The following MCF2L variants were observed in gnomAD, a reference collection of about 807,000 sequenced individuals.
The protein encoded by MCF2L is MCF.2 cell line derived transforming sequence like, also known as guanine nucleotide exchange factor DBS.
MCF2L carries 97 observed loss-of-function variants against 153.4 expected under a neutral mutation model. The ratio of observed to expected loss-of-function variants is 0.63; its 90% CI spans 0.54 to 0.75. The LOEUF is 0.75. Ranked by LOEUF, MCF2L falls within the 30% of genes least tolerant of loss-of-function variation. MCF2L has a pLI of 0.00. For missense variants in MCF2L, 1,347 were observed against 1,495.2 expected (o/e 0.90, Z 1.64); for synonymous variants, 659 against 632.2 (o/e 1.04, Z -0.64).
intron 2 of MCF2L, among the ~76,000 whole-genome samples, chr13:112,912,999 CTG>C (rs1566633143): frequency 1.7e-5 from 2 of 117,584 alleles, no homozygotes; most frequent in African/African-American, 6.7e-5. Context: ...GATTGTGTGT[CTG>C]TGGTGTATCT....
intron 26 of MCF2L, 109 bp from the exon 27 acceptor site, chr13:113,094,405 C>T: frequency 8.4e-7 from 1 of 1,191,410 alleles, no homozygotes. Context: ...GTTGGGGGCC[C>T]ACGGCACACA....
intron 15 of MCF2L, 49 bp downstream of exon 15, chr13:113,078,788 T>A (rs369128274): frequency 5.3e-6 from 8 of 1,507,382 alleles, no homozygotes; most frequent in Admixed American, 3.8e-5. Flanking sequence ...GACCGCAGCC[T>A]GAACCACCAG....
At chr13:113,090,672 T>C (rs1440531845) in intron 26 of MCF2L, 3 of 985,476 alleles carry the variant, frequency 3.0e-6, no homozygotes, top group Non-Finnish European at 2.4e-6. Context: ...CAGGAGGCCC[T>C]GGAAGCCGGC....
At position 113,048,598 on chromosome 13, in the gene MCF2L, C is replaced by T. The variant is rs948535479; in HGVS notation, c.369+3237C>T. On this transcript the variant is annotated intron_variant, in intron 4 of 29. Coordinates refer to ENST00000535094, the MANE Select transcript of MCF2L (RefSeq NM_001112732.3). ...CTGGGACTACAGGCACCTGCCACCA[C>T]GCCCGGCTAATTTTTTATATTTTTA... is the stretch of plus-strand genomic sequence containing the variant. Among the ~76,000 whole-genome samples the T allele has an allele frequency of 5.3e-5, 8 of 152,124 alleles. No individual in the cohort carries two copies. In the South Asian group the frequency reaches 1.0e-3, roughly 20 times the overall value.
At chr13:113,014,669 G>T in intron 1 of MCF2L, 94 bp from the exon 2 acceptor site, 1 of 1,017,896 alleles carries the variant, frequency 9.8e-7, no homozygotes, top group Non-Finnish European at 1.5e-6. Flanking sequence ...GTAGGTGCCT[G>T]TGGATGTGCC....
intron 2 of MCF2L, chr13:112,957,417 A>G (rs369369696): frequency 7.9e-5 from 12 of 152,226 alleles, no homozygotes; most frequent in African/African-American, 2.9e-4. Context: ...TCATAGAACG[A>G]TAGAGATTTA....
chr13:113,031,518 C>T lies in MCF2L; in HGVS notation c.278+6760C>T, dbSNP rs113005961. On this transcript the variant is annotated intron_variant, in intron 3 of 29. Transcript: ENST00000535094. The surrounding 1 kb of genome is among the most constrained non-coding windows in gnomAD (Gnocchi z 5.5). ...GGTCTGTGGAGCCTTTTCTGAGGAG[C>T]TGTGTTTTCTGTGAAGTGGGTGCCA... 6.6e-6 allele frequency among the ~76,000 whole-genome samples: 1 copy of T among 151,948 alleles called. No homozygotes were observed. The highest frequency in any genetic ancestry group is 1.5e-5 in the Non-Finnish European group (1 of 68,012).
At position 113,080,929 on chromosome 13, in the gene MCF2L, G is replaced by A. The variant is rs114253445; in HGVS notation, c.1809-284G>A. ...GGTGGGACCCAAAAGCCCAGGAGGCGAGTCTGGGAATCCCTCCTACCAGGC... is the reference window on the plus strand; with the variant it reads ...GGTGGGACCCAAAAGCCCAGGAGGCAAGTCTGGGAATCCCTCCTACCAGGC... On this transcript the variant is annotated intron_variant, in intron 15 of 29. Transcript: ENST00000535094. Among the ~76,000 whole-genome samples, 701 of 152,296 alleles carry A rather than the reference G, an allele frequency of 4.6e-3. 7 individuals carry two copies. Among genetic ancestry groups the A allele is most frequent in the African/African-American group, 0.016 (665 of 41,568 alleles).
At chr13:112,894,610 G>A (rs992237489) in intron 1 of MCF2L, among the ~76,000 whole-genome samples, 21 of 152,036 alleles carry the variant, frequency 1.4e-4, no homozygotes, top group African/African-American at 4.6e-4. Context: ...CCTGGGATCG[G>A]CCCCCGCGGC....
At position 112,983,686 on chromosome 13, in the gene MCF2L, G is replaced by A. The variant is rs939058707; in HGVS notation, c.79+14228G>A. ...GGTCATCAGGATGTGAGGCGGTGAC[G>A]GACACTTCAGTGCTCTGACGCACTG... On this transcript the variant is annotated intron_variant, in intron 1 of 29. Transcript: ENST00000535094. The surrounding 1 kb of genome is among the most constrained non-coding windows in gnomAD (Gnocchi z 4.0). 6.6e-6 allele frequency among the ~76,000 whole-genome samples: 1 copy of A among 152,194 alleles called. No homozygotes were observed. Among genetic ancestry groups the A allele is most frequent in the Non-Finnish European group, 1.5e-5 (1 of 68,044 alleles).
chr13:113,014,072 A>C (rs1341955566), intron 1 of MCF2L, among the ~76,000 whole-genome samples: 11 of 151,562 alleles, frequency 7.3e-5, no homozygotes, highest in African/African-American at 2.2e-4. Flanking sequence ...ACGCTGGCCT[A>C]GTGCTCCCAG....
rs1373971844 is a variant in MCF2L, at chr13:113,001,602, A to T, written c.80-13161A>T. On this transcript the variant is annotated intron_variant, in intron 1 of 29. Transcript: ENST00000535094. ...TGGGGCCCCTGCAGGGAGGGTCTAGACAAGCAACACCAGGAACCTGAAGCC... is the reference window on the plus strand; with the variant it reads ...TGGGGCCCCTGCAGGGAGGGTCTAGTCAAGCAACACCAGGAACCTGAAGCC... The T allele has an allele frequency of 3.9e-6, 4 of 1,032,476 alleles. No homozygotes were observed. The African/African-American group carries it at 6.8e-5, about 17-fold the overall frequency. The allele number at this position is 1,032,476 out of a possible 1,614,324, so 64.0% of individuals were successfully genotyped here.
Position 113,029,217 on chromosome 13 carries a change from G to A in MCF2L, c.278+4459G>A, listed in dbSNP as rs1448426443. Among the ~76,000 whole-genome samples the A allele has an allele frequency of 2.0e-5, 3 of 152,194 alleles. No homozygotes were observed. The East Asian group carries it at 5.8e-4, about 29-fold the overall frequency. ...GCCTGTAAGAGCCACCTGTCCCCTG[G>A]CTGTCCCGGCATCCTAGGGCGCAGC... On this transcript the variant is annotated intron_variant, in intron 3 of 29. Transcript: ENST00000535094.
At chr13:113,023,425 C>G (rs546663771) in intron 2 of MCF2L, among the ~76,000 whole-genome samples, 1 of 152,168 alleles carries the variant, frequency 6.6e-6, no homozygotes, top group South Asian at 2.1e-4. Flanking sequence ...CCCTGCCTGG[C>G]GTGGCTGGGC....
intron 2 of MCF2L, among the ~76,000 whole-genome samples, chr13:113,024,327 CTA>C (rs2085090062): frequency 6.6e-6 from 1 of 151,294 alleles, no homozygotes; most frequent in Admixed American, 6.6e-5. Context: ...ACAAGCTTCT[CTA>C]TGCAGTATCA....
In MCF2L at chr13:113,004,540, G is replaced by T. The variant is rs372922969; in HGVS notation, c.80-10223G>T. Among the ~76,000 whole-genome samples, 126 of 152,330 alleles carry T rather than the reference G, an allele frequency of 8.3e-4. 4 individuals carry two copies. The South Asian group carries it at 0.022, about 27-fold the overall frequency. On this transcript the variant is annotated intron_variant, in intron 1 of 29. Transcript: ENST00000535094. ...ATCCCCCTGGGTCTGCTCACCTGGTGGGGGGCAGCCATCACCAAAGCCGTC... is the reference window on the plus strand; with the variant it reads ...ATCCCCCTGGGTCTGCTCACCTGGTTGGGGGCAGCCATCACCAAAGCCGTC...
chr13:113,066,904 C>T lies in MCF2L; in HGVS notation c.881+734C>T, dbSNP rs942393965. ...GCTGGTCCTTTTGACTCTCAGCTGC[C>T]TTTGACTCCCACGCAGCGTGGCCCA... On this transcript the variant is annotated intron_variant, in intron 8 of 29. Coordinates refer to ENST00000535094, the MANE Select transcript of MCF2L (RefSeq NM_001112732.3). 1.3e-3 allele frequency among the ~76,000 whole-genome samples: 197 copies of T among 152,228 alleles called. 1 individual carries two copies. The highest frequency in any genetic ancestry group is 2.1e-4 in the Non-Finnish European group (14 of 68,044).
At chr13:112,940,886 G>T (rs34943790) in intron 2 of MCF2L, among the ~76,000 whole-genome samples, 24,562 of 152,058 alleles carry the variant, frequency 0.16, 2,123 homozygotes, top group South Asian at 0.21. Context: ...GCATTTGGGT[G>T]GCATGTGATT....
chr13:112,933,256 G>C (rs1175273770), intron 2 of MCF2L, among the ~76,000 whole-genome samples: 1 of 152,232 alleles, frequency 6.6e-6, no homozygotes, highest in Non-Finnish European at 1.5e-5. Context: ...CTTGGGCTCT[G>C]TGTGCAGAGA....
Sources: allele counts gnomAD v4.1 joint callset (sites outside exome capture counted in the v4.1 genomes callset), GRCh38; gene constraint gnomAD v4.1.1; non-coding constraint Gnocchi (gnomAD v3.1); transcripts MANE v1.5; gene names NCBI Gene and HGNC (gene_info 2026-07-23, HGNC 2026-07-21).